NBEA: variants seen among roughly 807,000 people sequenced by gnomAD.
The protein encoded by NBEA is neurobeachin.
A neutral mutation model predicts 343.4 loss-of-function variants in NBEA; 44 were observed. The ratio of observed to expected loss-of-function variants is 0.13; its 90% CI spans 0.10 to 0.16. The LOEUF (loss-of-function observed/expected upper bound fraction) is 0.16. NBEA is among the 10% of genes least tolerant of loss of function. NBEA has a pLI of 1.00. For missense variants in NBEA, 2,555 were observed against 3,631.3 expected (o/e 0.70, Z 7.62); for synonymous variants, 1,175 against 1,238.7 (o/e 0.95, Z 1.08).
At chr13:35,568,269 C>T (rs2153026961) in intron 45 of NBEA, among the ~76,000 whole-genome samples, 1 of 152,158 alleles carries the variant, frequency 6.6e-6, no homozygotes, top group South Asian at 2.1e-4. Context: ...GTTGATAGCT[C>T]ATGGATAATT....
intron 6 of NBEA, 49 bp downstream of exon 6, chr13:35,050,444 T>C (rs190742974): frequency 6.4e-7 from 1 of 1,556,064 alleles, no homozygotes; most frequent in Non-Finnish European, 8.8e-7. Context: ...GACAGAATTC[T>C]TAACTCTCCT....
intron 41 of NBEA, among the ~76,000 whole-genome samples, chr13:35,477,442 G>A (rs143694890): frequency 1.3e-5 from 2 of 152,244 alleles, no homozygotes; most frequent in African/African-American, 4.8e-5. Flanking sequence ...GACTTGCCCA[G>A]CATTACAAGC....
intron 35 of NBEA, among the ~76,000 whole-genome samples, chr13:35,305,873 G>A (rs1207071765): frequency 1.3e-5 from 2 of 152,138 alleles, no homozygotes; most frequent in African/African-American, 4.8e-5. Flanking sequence ...GTGTGAAAAT[G>A]TGATTATTCT....
At chr13:35,023,319 G>C (rs2061909861) in intron 1 of NBEA, among the ~76,000 whole-genome samples, 1 of 152,102 alleles carries the variant, frequency 6.6e-6, no homozygotes, top group African/African-American at 2.4e-5. Context: ...GATGGGAGAA[G>C]TCACCTACAG....
At chr13:35,515,155 C>G in intron 41 of NBEA, among the ~76,000 whole-genome samples, 1 of 152,092 alleles carries the variant, frequency 6.6e-6, no homozygotes, top group Non-Finnish European at 1.5e-5. Context: ...ACGAGAATAA[C>G]AGGGATAAAA....
intron 33 of NBEA, among the ~76,000 whole-genome samples, chr13:35,227,484 A>G (rs907713654): frequency 2.0e-5 from 3 of 152,040 alleles, no homozygotes; most frequent in African/African-American, 7.2e-5. Context: ...CCTCATTTAC[A>G]TAGGAGCATT....
chr13:35,105,734 TG>T (rs1439765789), intron 11 of NBEA, among the ~76,000 whole-genome samples: 1 of 151,944 alleles, frequency 6.6e-6, no homozygotes, highest in East Asian at 1.9e-4. Context: ...ATGATTAATC[TG>T]GTTGGATTAG....
At chr13:35,405,293 C>T (rs1258771109) in intron 38 of NBEA, among the ~76,000 whole-genome samples, 1 of 152,096 alleles carries the variant, frequency 6.6e-6, no homozygotes, top group African/African-American at 2.4e-5. Context: ...GAAACGAATA[C>T]TCAGAGAAGC....
At chr13:35,484,089 C>T (rs930944494) in intron 41 of NBEA, among the ~76,000 whole-genome samples, 1 of 152,062 alleles carries the variant, frequency 6.6e-6, no homozygotes, top group African/African-American at 2.4e-5. Context: ...TTTAAAATAA[C>T]ACGGGAAATT....
intron 40 of NBEA, among the ~76,000 whole-genome samples, chr13:35,453,070 G>A (rs554269474): frequency 1.3e-5 from 2 of 152,306 alleles, no homozygotes; most frequent in Admixed American, 6.5e-5. Flanking sequence ...CAATAGAGAG[G>A]TGGACTTATA....
intron 48 of NBEA, among the ~76,000 whole-genome samples, chr13:35,610,039 G>C (rs1357907319): frequency 6.6e-6 from 1 of 152,200 alleles, no homozygotes; most frequent in Non-Finnish European, 1.5e-5. Context: ...AATGCCTCCA[G>C]ATTCGTCCAC....
At chr13:35,081,446 A>G (rs1179477168) in intron 10 of NBEA, among the ~76,000 whole-genome samples, 2 of 152,098 alleles carry the variant, frequency 1.3e-5, no homozygotes, top group Non-Finnish European at 2.9e-5. Context: ...GATAAAATAC[A>G]TATATTATTT....
At chr13:35,602,033 C>T (rs1317636705) in intron 47 of NBEA, among the ~76,000 whole-genome samples, 3 of 152,106 alleles carry the variant, frequency 2.0e-5, no homozygotes, top group Non-Finnish European at 4.4e-5. Context: ...GCACTTAGAA[C>T]AGTGCCAAGA....
chr13:35,261,318 C>A (rs2033195345), intron 34 of NBEA, among the ~76,000 whole-genome samples: 1 of 152,080 alleles, frequency 6.6e-6, no homozygotes. Flanking sequence ...TCGAGACCAG[C>A]CTGGCCAACA....
intron 58 of NBEA, 99 bp downstream of exon 58, chr13:35,668,618 A>T (rs181219467): frequency 2.5e-6 from 3 of 1,205,698 alleles, no homozygotes; most frequent in East Asian, 5.6e-5. Context: ...CAATTCCAGC[A>T]TCCAAATGAA....
intron 33 of NBEA, among the ~76,000 whole-genome samples, chr13:35,214,570 G>A (rs2073960692): frequency 2.0e-5 from 3 of 151,650 alleles, no homozygotes; most frequent in Non-Finnish European, 4.4e-5. Flanking sequence ...TGAGATATGA[G>A]TTCTTTATAT....
intron 41 of NBEA, among the ~76,000 whole-genome samples, chr13:35,526,932 A>C (rs2078003764): frequency 6.6e-6 from 1 of 152,026 alleles, no homozygotes; most frequent in Non-Finnish European, 1.5e-5. Context: ...GCTGGTAGAC[A>C]CCAGGAACCA....
intron 40 of NBEA, among the ~76,000 whole-genome samples, chr13:35,462,995 G>C (rs1339526338): frequency 2.6e-5 from 4 of 152,172 alleles, no homozygotes. Context: ...ATAGAAGTTT[G>C]AAATTTGAGA....
chr13:35,043,677 TTG>T (rs941933352), intron 2 of NBEA, among the ~76,000 whole-genome samples: 3 of 151,904 alleles, frequency 2.0e-5, no homozygotes, highest in Non-Finnish European at 4.4e-5. Context: ...ATAGAGATTA[TTG>T]TGTGTTAAAT....
Sources: gnomAD v4.1 joint callset for allele counts (sites outside exome capture counted in the v4.1 genomes callset) on GRCh38, gnomAD v4.1.1 for gene constraint, MANE v1.5 for transcripts, NCBI Gene and HGNC (gene_info 2026-07-23, HGNC 2026-07-21) for gene names.